MIB1: variants seen among roughly 807,000 people sequenced by gnomAD.
MIB1 encodes the protein MIB E3 ubiquitin protein ligase 1.
MIB1 carries 278 observed loss-of-function variants against 124.5 expected under a neutral mutation model. The ratio of observed to expected loss-of-function variants is 2.23; its 90% CI spans 2.02 to 2.47. The LOEUF (loss-of-function observed/expected upper bound fraction) is 2.47, where lower values mean the gene tolerates loss of function less well. Among genes scored for constraint, MIB1 ranks in the 30% most tolerant of loss-of-function variants. The pLI, the probability that MIB1 is intolerant of heterozygous loss-of-function variation, is 0.00. For synonymous variants in MIB1, 446 were observed against 429.4 expected, an observed-to-expected ratio of 1.04 and a Z score of -0.48; for missense variants, 957 against 1,254.4, an observed-to-expected ratio of 0.76 and a Z score of 3.58.
At chr18:21,728,912 A>C (rs1481455432) in intron 1 of MIB1, among the ~76,000 whole-genome samples, 1 of 152,224 alleles carries the variant, frequency 6.6e-6, no homozygotes, top group Non-Finnish European at 1.5e-5. Context: ...TCTTCCTAAG[A>C]TAGGACTTCT....
intron 10 of MIB1, among the ~76,000 whole-genome samples, chr18:21,808,955 C>T (rs989920012): frequency 6.6e-6 from 1 of 151,494 alleles, no homozygotes; most frequent in Non-Finnish European, 1.5e-5. Flanking sequence ...TAAAAAAAAA[C>T]TGCTTCAAAT....
rs60128500 is a variant in MIB1, at chr18:21,734,478, TTCTCTCTC to T, written n.167+29367_167+29374del. 1.4e-3 allele frequency among the ~76,000 whole-genome samples: 204 copies of T among 149,222 alleles called. 4 individuals are homozygous for T. The highest frequency in any genetic ancestry group is 3.1e-3 in the Admixed American group (46 of 14,964). On this transcript the variant is annotated intron_variant and non_coding_transcript_variant, in intron 1 of 20. Coordinates refer to the MIB1 transcript ENST00000578646. ...TTTTCTTTTCTTTCTCTCTCTCTCT[TTCTCTCTC>T]TCTCTCTCTCTTTCTTTCTTTCTTT...
chr18:21,863,984 G>A (rs1243723231), intron 20 of MIB1, among the ~76,000 whole-genome samples: 1 of 151,972 alleles, frequency 6.6e-6, no homozygotes, highest in Non-Finnish European at 1.5e-5. Flanking sequence ...CCAGCCTGGC[G>A]ACAGAGTGAG....
At chr18:21,746,833 C>T (rs778761120) in intron 1 of MIB1, among the ~76,000 whole-genome samples, 20 of 152,058 alleles carry the variant, frequency 1.3e-4, no homozygotes, top group Admixed American at 1.0e-3. Flanking sequence ...TGTCTTTGAC[C>T]GCTAGCAAAG....
chr18:21,863,481 TG>T (rs2042294059), intron 20 of MIB1, among the ~76,000 whole-genome samples: 1 of 151,730 alleles, frequency 6.6e-6, no homozygotes, highest in African/African-American at 2.4e-5. Flanking sequence ...GGAACTGGAG[TG>T]GGGGTGGGAC....
intron 12 of MIB1, among the ~76,000 whole-genome samples, chr18:21,824,105 AATAAT>A (rs1489347622): frequency 7.9e-5 from 12 of 152,330 alleles, no homozygotes; most frequent in African/African-American, 2.9e-4. Flanking sequence ...TACAGGTAAC[AATAAT>A]ATAATTATAA....
chr18:21,713,262 C>T (rs2040673209), intron 1 of MIB1, among the ~76,000 whole-genome samples: 1 of 109,628 alleles, frequency 9.1e-6, no homozygotes, highest in African/African-American at 5.2e-5. Flanking sequence ...AGCCACCAAG[C>T]CCATCTGGAA....
intron 18 of MIB1, among the ~76,000 whole-genome samples, chr18:21,856,098 C>T (rs1264769520): frequency 1.3e-5 from 2 of 151,294 alleles, no homozygotes; most frequent in Admixed American, 6.6e-5. Flanking sequence ...GGCGCGGTGG[C>T]GGGCGCCTGT....
chr18:21,817,371 T>C (rs1010158492), intron 11 of MIB1, among the ~76,000 whole-genome samples: 3 of 152,028 alleles, frequency 2.0e-5, no homozygotes, highest in Non-Finnish European at 4.4e-5. Flanking sequence ...GCAATCTTCC[T>C]GCTCCCACCT....
chr18:21,774,960 T>TATTTA (rs1568195975), intron 4 of MIB1, among the ~76,000 whole-genome samples: 1 of 143,098 alleles, frequency 7.0e-6, no homozygotes, highest in African/African-American at 2.5e-5. Flanking sequence ...TTTATTTATT[T>TATTTA]TTTGAGACAC....
chr18:21,762,867 T>C (rs2146402923), intron 1 of MIB1, among the ~76,000 whole-genome samples: 1 of 152,276 alleles, frequency 6.6e-6, no homozygotes, highest in Non-Finnish European at 1.5e-5. Flanking sequence ...TTTAAACTTT[T>C]ATTAAGCTCT....
chr18:21,750,420 C>T (rs1403589632), intron 1 of MIB1, among the ~76,000 whole-genome samples: 2 of 151,734 alleles, frequency 1.3e-5, no homozygotes, highest in African/African-American at 2.4e-5. Context: ...CTCCGCCTCT[C>T]GGGTTCATGC....
At chr18:21,709,132 C>T (rs1249100112) in intron 1 of MIB1, among the ~76,000 whole-genome samples, 4 of 151,926 alleles carry the variant, frequency 2.6e-5, no homozygotes, top group Non-Finnish European at 4.4e-5. Flanking sequence ...CTGGCTAACA[C>T]GGTGAAACCC....
chr18:21,750,035 T>TA (rs1416207445), intron 1 of MIB1, among the ~76,000 whole-genome samples: 2 of 152,184 alleles, frequency 1.3e-5, no homozygotes, highest in African/African-American at 4.8e-5. Flanking sequence ...CTCTGCTAAT[T>TA]ATTACCTTTT....
intron 1 of MIB1, among the ~76,000 whole-genome samples, chr18:21,733,100 G>C (rs1478446531): frequency 1.3e-5 from 2 of 152,166 alleles, no homozygotes; most frequent in Non-Finnish European, 2.9e-5. Flanking sequence ...TACTGGTAAA[G>C]TTGTGTTCCA....
intron 1 of MIB1, among the ~76,000 whole-genome samples, chr18:21,748,425 C>G (rs1445072968): frequency 1.5e-5 from 2 of 133,470 alleles, no homozygotes; most frequent in African/African-American, 5.7e-5. Context: ...CTCTTTCCCC[C>G]CTTCTCCCTT....
intron 1 of MIB1, among the ~76,000 whole-genome samples, chr18:21,759,504 G>T (rs1337361576): frequency 6.6e-6 from 1 of 152,090 alleles, no homozygotes; most frequent in Non-Finnish European, 1.5e-5. Flanking sequence ...GCCTCCTAAA[G>T]TGCTGGGATT....
chr18:21,798,760 TC>T (rs1180575488), intron 8 of MIB1, among the ~76,000 whole-genome samples: 1 of 152,118 alleles, frequency 6.6e-6, no homozygotes, highest in Non-Finnish European at 1.5e-5. Context: ...GTTGACTCTT[TC>T]ACATAGTCTT....
intron 1 of MIB1, among the ~76,000 whole-genome samples, chr18:21,716,083 A>T (rs1010681449): frequency 2.0e-5 from 3 of 152,224 alleles, no homozygotes; most frequent in Admixed American, 6.5e-5. Flanking sequence ...AAAGTTAAGA[A>T]GGAAGAAAGA....
Sources: gnomAD v4.1 joint callset for allele counts (sites outside exome capture counted in the v4.1 genomes callset) on GRCh38, gnomAD v4.1.1 for gene constraint, MANE v1.5 for transcripts, NCBI Gene and HGNC (gene_info 2026-07-23, HGNC 2026-07-21) for gene names.